Variants in CORIN observed in about 807,000 individuals in gnomAD.
CORIN encodes the protein corin, serine peptidase, also known as atrial natriuretic peptide-converting enzyme.
Under a neutral mutation model 125.3 loss-of-function variants are expected in CORIN, and 117 were observed. That is an observed-to-expected ratio of 0.93 (90% confidence interval 0.80 to 1.09). CORIN has a LOEUF of 1.09. CORIN is among the 50% of genes least tolerant of loss of function. CORIN has a pLI of 0.00. For synonymous variants in CORIN, 450 were observed against 466.4 expected (o/e 0.96, Z 0.45); for missense variants, 1,253 against 1,306.7 (o/e 0.96, Z 0.63).
intron 10 of CORIN, among the ~76,000 whole-genome samples, chr4:47,672,060 G>A (rs1471779289): frequency 2.0e-5 from 3 of 152,188 alleles, no homozygotes; most frequent in East Asian, 1.9e-4. Flanking sequence ...TAGGTAAACT[G>A]AGTGTATTTA....
intron 5 of CORIN, among the ~76,000 whole-genome samples, chr4:47,702,409 T>C (rs929648646): frequency 1.3e-5 from 2 of 152,294 alleles, no homozygotes; most frequent in South Asian, 4.1e-4. Context: ...TATATATTAG[T>C]ATTTTTTCTA....
At chr4:47,639,738 G>A (rs752623306) in intron 16 of CORIN, among the ~76,000 whole-genome samples, 4 of 152,130 alleles carry the variant, frequency 2.6e-5, no homozygotes, top group African/African-American at 9.7e-5. Context: ...TTGAGGCATC[G>A]GTGGCAGAAT....
At chr4:47,631,664 C>A (rs1328336602) in intron 16 of CORIN, among the ~76,000 whole-genome samples, 2 of 152,082 alleles carry the variant, frequency 1.3e-5, no homozygotes, top group Non-Finnish European at 2.9e-5. Context: ...CAAAACCATT[C>A]CCCCCATCCC....
intron 18 of CORIN, 42 bp downstream of exon 18, chr4:47,623,857 A>G: frequency 1.2e-6 from 2 of 1,607,310 alleles, no homozygotes. Context: ...AATCCAGTTC[A>G]ATTAAGTTCA....
chr4:47,627,053 G>A (rs1432111882), intron 16 of CORIN, among the ~76,000 whole-genome samples: 4 of 151,638 alleles, frequency 2.6e-5, no homozygotes, highest in African/African-American at 7.3e-5. Flanking sequence ...GTACAATCTC[G>A]GCTCACTGCA....
intron 5 of CORIN, among the ~76,000 whole-genome samples, chr4:47,725,490 T>C (rs1044583610): frequency 6.6e-6 from 1 of 152,090 alleles, no homozygotes; most frequent in Non-Finnish European, 1.5e-5. Context: ...CAATTAATTT[T>C]TGATGGAGGT....
At chr4:47,679,326 A>AT (rs1725160384) in intron 8 of CORIN, among the ~76,000 whole-genome samples, 1 of 152,152 alleles carries the variant, frequency 6.6e-6, no homozygotes, top group African/African-American at 2.4e-5. Flanking sequence ...TTCACACAGA[A>AT]ACACAACAGT....
intron 5 of CORIN, among the ~76,000 whole-genome samples, chr4:47,707,844 T>C (rs1404519728): frequency 6.6e-6 from 1 of 151,686 alleles, no homozygotes; most frequent in Admixed American, 6.6e-5. Flanking sequence ...TACAAGGGAG[T>C]AAGAGTGGAG....
intron 5 of CORIN, among the ~76,000 whole-genome samples, chr4:47,712,373 C>T (rs1321688628): frequency 1.3e-5 from 2 of 152,194 alleles, no homozygotes; most frequent in Admixed American, 6.5e-5. Context: ...AACTCTGCCT[C>T]CCAGGCTCAA....
chr4:47,622,312 G>A (rs1203483217), intron 19 of CORIN, among the ~76,000 whole-genome samples: 2 of 150,082 alleles, frequency 1.3e-5, no homozygotes, highest in Non-Finnish European at 3.0e-5. Context: ...ATAAACATAC[G>A]TGTGCATGTG....
rs144004404 is a variant in CORIN, at chr4:47,837,176, A to G, written c.63+711T>C. 4.4e-3 allele frequency among the ~76,000 whole-genome samples: 663 copies of G among 152,326 alleles called. 5 individuals are homozygous for G. Among genetic ancestry groups the G allele is most frequent in the African/African-American group, 0.015 (606 of 41,580 alleles). Reference sequence around the variant, plus strand: ...GCGGCCAGCCCTCCTGTGCCTAGGCAGGTTCACGCCGGAGAAAGTTTGCAC... The same window carrying G: ...GCGGCCAGCCCTCCTGTGCCTAGGCGGGTTCACGCCGGAGAAAGTTTGCAC... On this transcript the variant is annotated intron_variant, in intron 1 of 21. Transcript: ENST00000273857.
chr4:47,802,492 G>T (rs903079319), intron 2 of CORIN, among the ~76,000 whole-genome samples: 14 of 152,200 alleles, frequency 9.2e-5, no homozygotes, highest in African/African-American at 3.4e-4. Context: ...CCATGGGTTG[G>T]TGGTTGTGGT....
At chr4:47,713,849 T>A (rs185188272) in intron 5 of CORIN, among the ~76,000 whole-genome samples, 1 of 152,322 alleles carries the variant, frequency 6.6e-6, no homozygotes, top group African/African-American at 2.4e-5. Context: ...TCTTTTTTTT[T>A]AATGGCATAA....
intron 1 of CORIN, among the ~76,000 whole-genome samples, chr4:47,821,053 G>A (rs1732488391): frequency 6.6e-6 from 1 of 152,040 alleles, no homozygotes. Flanking sequence ...TGGCCAATAT[G>A]GTGAAATCCC....
At chr4:47,781,274 T>C (rs1730533927) in intron 3 of CORIN, among the ~76,000 whole-genome samples, 1 of 151,650 alleles carries the variant, frequency 6.6e-6, no homozygotes, top group Admixed American at 6.6e-5. Flanking sequence ...AAGAAGAGAG[T>C]GGGATGACTC....
At chr4:47,759,195 CTT>C (rs1013581616) in intron 4 of CORIN, among the ~76,000 whole-genome samples, 93 of 152,272 alleles carry the variant, frequency 6.1e-4, no homozygotes, top group African/African-American at 2.1e-3. Context: ...AAATTAGACT[CTT>C]ATCGCATAGG....
intron 5 of CORIN, among the ~76,000 whole-genome samples, chr4:47,731,822 T>C (rs189309705): frequency 4.2e-4 from 64 of 151,580 alleles, no homozygotes; most frequent in African/African-American, 1.5e-3. Flanking sequence ...TGAGCCAAGA[T>C]TGCACCACTG....
At chr4:47,680,101 AT>A in intron 8 of CORIN, 39 bp downstream of exon 8, 1 of 1,345,106 alleles carries the variant, frequency 7.4e-7, no homozygotes, top group African/African-American at 1.4e-5. Flanking sequence ...AGAACCAGAA[AT>A]GGAAAAATAA....
At chr4:47,604,158 A>G (rs1721557245) in intron 19 of CORIN, among the ~76,000 whole-genome samples, 1 of 152,186 alleles carries the variant, frequency 6.6e-6, no homozygotes, top group Admixed American at 6.5e-5. Context: ...CTGTTTTTGA[A>G]TACTTGTCAA....
Sources: gnomAD v4.1 joint callset for allele counts (sites outside exome capture counted in the v4.1 genomes callset) on GRCh38, gnomAD v4.1.1 for gene constraint, MANE v1.5 for transcripts, NCBI Gene and HGNC (gene_info 2026-07-23, HGNC 2026-07-21) for gene names.